TBC1D15: variants seen among roughly 807,000 people sequenced by gnomAD.
TBC1D15 encodes TBC1 domain family member 15.
Under a neutral mutation model 95.4 loss-of-function variants are expected in TBC1D15, and 39 were observed. The observed-to-expected ratio is 0.41, with a 90% CI of 0.32 to 0.53. The LOEUF is 0.53. Ranked by LOEUF, TBC1D15 falls within the 20% of genes least tolerant of loss-of-function variation. The pLI is 0.29. For synonymous variants in TBC1D15, 258 were observed against 261.3 expected (o/e 0.99, Z 0.12); for missense variants, 733 against 794.3 (o/e 0.92, Z 0.93).
chr12:71,917,483 GA>G (rs1475065315), intron 12 of TBC1D15, among the ~76,000 whole-genome samples: 1 of 152,024 alleles, frequency 6.6e-6, no homozygotes, highest in Non-Finnish European at 1.5e-5. Flanking sequence ...ATGAATAGAG[GA>G]AAAAATAATC....
At chr12:71,884,725 T>C in intron 4 of TBC1D15, 86 bp from the exon 5 acceptor site, 5 of 1,284,016 alleles carry the variant, frequency 3.9e-6, no homozygotes, top group Non-Finnish European at 5.5e-6. Flanking sequence ...GTTCAACTAA[T>C]TTATGTTAGG....
rs572922994 is a variant in TBC1D15 at position 71,898,021 on chromosome 12, A to G, written c.1183+80A>G. Reference sequence around the variant, plus strand: ...GATAAGAGTAAAGAAGTGAAGATACATGGTAATAGCACTAGGGCTCAAAAG... The same window carrying G: ...GATAAGAGTAAAGAAGTGAAGATACGTGGTAATAGCACTAGGGCTCAAAAG... On this transcript the variant is annotated intron_variant, in intron 10 of 16. Transcript: ENST00000485960. 1,020 of 1,019,016 alleles carry G rather than the reference A, an allele frequency of 1.0e-3. 3 individuals are homozygous for G. Among genetic ancestry groups the G allele is most frequent in the Middle Eastern group, 1.3e-3 (5 of 3,854 alleles). The allele number at this position is 1,019,016 out of a possible 1,614,324, so 63.1% of individuals were successfully genotyped here. A position where few individuals can be genotyped will look rare whatever the true frequency, so the allele number is the denominator to read the frequency against.
intron 2 of TBC1D15, among the ~76,000 whole-genome samples, 190 bp from the exon 3 acceptor site, chr12:71,872,739 A>G (rs559356518): frequency 3.9e-5 from 6 of 152,220 alleles, no homozygotes; most frequent in African/African-American, 1.2e-4. Flanking sequence ...GTAGCAATAT[A>G]AATTTTTCAT....
Position 71,923,092 on chromosome 12 carries a change from C to T in TBC1D15, c.1913C>T (p.Thr638Ile). ...AATGTTGTCATGACTCCTTGTCCTA[C>T]ATCTGCATTTCAAAGTAATGCCTTG... ...DENVVMTPCPTSAFQSNALPT... is the reference protein window; with the variant it reads ...DENVVMTPCPISAFQSNALPT... The change falls in exon 17 of 17, where the codon ACA becomes ATA. Residue 638 changes from threonine to isoleucine, a missense_variant. Physicochemically the swap from Thr to Ile is moderately conservative, Grantham distance 89. Coordinates refer to ENST00000485960, the MANE Select transcript of TBC1D15 (RefSeq NM_001146213.3). 2 of 1,614,196 alleles carry T rather than the reference C, an allele frequency of 1.2e-6. No homozygotes were observed. The highest frequency in any genetic ancestry group is 1.7e-6 in the Non-Finnish European group (2 of 1,180,036).
intron 1 of TBC1D15, among the ~76,000 whole-genome samples, chr12:71,867,455 G>T (rs977340269): frequency 2.2e-4 from 33 of 152,260 alleles, no homozygotes; most frequent in African/African-American, 7.0e-4. Flanking sequence ...AACAATACTG[G>T]TTTTGACTTA....
chr12:71,849,795 AT>A, intron 1 of TBC1D15: 1 of 546,014 alleles, frequency 1.8e-6, no homozygotes, highest in South Asian at 1.5e-5. Context: ...GACTCTGAAA[AT>A]TTTAATATCT....
chr12:71,841,472 A>G (rs760322651), intron 1 of TBC1D15, among the ~76,000 whole-genome samples: 5 of 152,212 alleles, frequency 3.3e-5, no homozygotes, highest in Non-Finnish European at 7.3e-5. Flanking sequence ...AAGTAATACT[A>G]TCATGACCAA....
chr12:71,896,186 T>C, intron 8 of TBC1D15, 111 bp downstream of exon 8: 1 of 1,071,532 alleles, frequency 9.3e-7, no homozygotes, highest in Non-Finnish European at 1.3e-6. Flanking sequence ...TTTTTTTTTT[T>C]TTTGGTGGGG....
In TBC1D15 at chr12:71,885,820, G is replaced by A. The variant is rs1027615913; in HGVS notation, c.554+799G>A. 2.0e-5 allele frequency among the ~76,000 whole-genome samples: 3 copies of A among 152,254 alleles called. No individual in the cohort carries two copies. In the East Asian group the frequency reaches 5.8e-4, roughly 29 times the overall value. ...CTGAAAAATGAGTGACCACTATAAG[G>A]AACGGGAAGGAGATACTTAGAGGGA... On this transcript the variant is annotated intron_variant, in intron 5 of 16. Transcript: ENST00000485960.
intron 1 of TBC1D15, among the ~76,000 whole-genome samples, chr12:71,858,488 CTT>C (rs57589434): frequency 3.8e-5 from 5 of 130,656 alleles, no homozygotes; most frequent in Non-Finnish European, 6.8e-5. Context: ...TGCTGATTTT[CTT>C]TTTTTTTTTT....
chr12:71,858,557 CTTT>C (rs1320497569), intron 1 of TBC1D15, among the ~76,000 whole-genome samples: 1 of 93,338 alleles, frequency 1.1e-5, no homozygotes. Flanking sequence ...TTTTCTTTTT[CTTT>C]TTTTTTTTTT....
rs566136103 is a variant in TBC1D15 at position 71,869,881 on chromosome 12, A to T, written c.31-2189A>T. On this transcript the variant is annotated intron_variant, in intron 1 of 16. Transcript: ENST00000485960. ...ACTCTTTAAAATTATTTTTAAATATATGACTATATTTTCGCTTTGAAATAT... is the reference window on the plus strand; with the variant it reads ...ACTCTTTAAAATTATTTTTAAATATTTGACTATATTTTCGCTTTGAAATAT... 3.3e-5 allele frequency among the ~76,000 whole-genome samples: 5 copies of T among 152,232 alleles called. No individual in the cohort carries two copies. The East Asian group carries it at 9.6e-4, about 29-fold the overall frequency.
chr12:71,856,883 GC>G (rs1021067785), intron 1 of TBC1D15, among the ~76,000 whole-genome samples: 16 of 152,220 alleles, frequency 1.1e-4, no homozygotes, highest in African/African-American at 3.9e-4. Context: ...TTGAGTCTCA[GC>G]CCCAGAGCAG....
chr12:71,923,596 T>C lies in TBC1D15; in HGVS notation c.*392T>C, dbSNP rs996390654. On this transcript the variant is annotated 3_prime_UTR_variant, in exon 17 of 17. Coordinates refer to ENST00000485960, the MANE Select transcript of TBC1D15 (RefSeq NM_001146213.3). ...GGAGGCTTTCTATAGCATTCTAAGC[T>C]GAGAAGTAGATTGTTACCCAGTAAT... The C allele has an allele frequency of 6.0e-6, 1 of 165,356 alleles. No individual in the cohort carries two copies. Among genetic ancestry groups the C allele is most frequent in the Non-Finnish European group, 1.3e-5 (1 of 75,980 alleles). The allele number at this position is 165,356 out of a possible 1,614,324, so 10.2% of individuals were successfully genotyped here. A position where few individuals can be genotyped will look rare whatever the true frequency, so the allele number is the denominator to read the frequency against.
At chr12:71,898,183 C>T (rs550155898) in intron 10 of TBC1D15, among the ~76,000 whole-genome samples, 31 of 152,090 alleles carry the variant, frequency 2.0e-4, no homozygotes, top group African/African-American at 7.2e-4. Flanking sequence ...GTATGAATTT[C>T]TAAAAAGATT....
intron 1 of TBC1D15, among the ~76,000 whole-genome samples, chr12:71,841,539 T>C (rs545334148): frequency 2.7e-4 from 41 of 152,320 alleles, no homozygotes; most frequent in African/African-American, 9.9e-4. Flanking sequence ...GGCATCATCT[T>C]TCACCTGGTT....
At chr12:71,897,012 A>T (rs1898316710) in intron 9 of TBC1D15, among the ~76,000 whole-genome samples, 1 of 152,176 alleles carries the variant, frequency 6.6e-6, no homozygotes, top group African/African-American at 2.4e-5. Context: ...AGATAAACAT[A>T]TTCCCTTATA....
chr12:71,897,543 G>T (rs1288309330), intron 9 of TBC1D15, among the ~76,000 whole-genome samples: 1 of 151,960 alleles, frequency 6.6e-6, no homozygotes, highest in Non-Finnish European at 1.5e-5. Context: ...AATATTTCAT[G>T]ACTAGAATAC....
intron 1 of TBC1D15, among the ~76,000 whole-genome samples, chr12:71,844,288 C>T (rs901308917): frequency 3.9e-5 from 6 of 152,224 alleles, no homozygotes; most frequent in African/African-American, 7.2e-5. Flanking sequence ...AAATTTCAAA[C>T]TCCTAAATTC....
Sources: gnomAD v4.1 joint callset for allele counts (sites outside exome capture counted in the v4.1 genomes callset) on GRCh38, gnomAD v4.1.1 for gene constraint, MANE v1.5 for transcripts, NCBI Gene and HGNC (gene_info 2026-07-23, HGNC 2026-07-21) for gene names.